Variants in UBE2J1 observed in about 807,000 individuals in gnomAD.
The protein encoded by UBE2J1 is ubiquitin conjugating enzyme E2 J1.
A neutral mutation model predicts 42.1 loss-of-function variants in UBE2J1; 17 were observed. The observed-to-expected ratio is 0.40, with a 90% CI of 0.28 to 0.61. The LOEUF is 0.61. UBE2J1 is among the 20% of genes least tolerant of loss of function. The probability of loss-of-function intolerance (pLI) is 0.38; values close to 1 mark genes in which losing one functional copy is unlikely to be tolerated. For synonymous variants in UBE2J1, 127 were observed against 137.2 expected (o/e 0.93, Z 0.52); for missense variants, 291 against 389.4 (o/e 0.75, Z 2.13).
chr6:89,332,250 A>T (rs1768023481), intron 7 of UBE2J1, among the ~76,000 whole-genome samples: 1 of 152,224 alleles, frequency 6.6e-6, no homozygotes, highest in South Asian at 2.1e-4. Flanking sequence ...ATCTGTTACC[A>T]AAAAGACTTC....
chr6:89,340,625 T>C (rs954051061), intron 3 of UBE2J1, among the ~76,000 whole-genome samples: 3 of 152,190 alleles, frequency 2.0e-5, no homozygotes, highest in Admixed American at 6.5e-5. Context: ...TTTAAAGACA[T>C]TGTGTAACCC....
intron 6 of UBE2J1, among the ~76,000 whole-genome samples, chr6:89,334,535 G>A (rs1242487220): frequency 6.8e-6 from 1 of 147,638 alleles, no homozygotes; most frequent in Admixed American, 6.8e-5. Flanking sequence ...GCAATGGCGC[G>A]ATCTCGGCTC....
Position 89,345,904 on chromosome 6 carries a change from TC to T in UBE2J1, c.32-2149del, listed in dbSNP as rs1768354597. Among the ~76,000 whole-genome samples the T allele has an allele frequency of 6.8e-5, 7 of 103,318 alleles. No individual in the cohort carries two copies. In the South Asian group the frequency reaches 3.4e-3, roughly 49 times the overall value. 67.8% of individuals were successfully genotyped at this position (103,318 alleles called of 152,430 possible). ...CCTGGGCAACAAGAGCGAAACTACG[TC>T]TAAAAAAAAAAAAAAAAGCCCTCCA... On this transcript the variant is annotated intron_variant, in intron 1 of 7. Coordinates refer to ENST00000435041, the MANE Select transcript of UBE2J1 (RefSeq NM_016021.3).
intron 3 of UBE2J1, among the ~76,000 whole-genome samples, chr6:89,340,775 T>G (rs1189290258): frequency 3.3e-4 from 47 of 143,324 alleles, no homozygotes; most frequent in South Asian, 1.5e-3. Flanking sequence ...TTTATTTATG[T>G]TTTTTTTTTT....
intron 3 of UBE2J1, 120 bp from the exon 4 acceptor site, chr6:89,338,663 T>A (rs1216956091): frequency 3.9e-6 from 1 of 258,742 alleles, no homozygotes; most frequent in Non-Finnish European, 6.3e-6. Context: ...GTTTGTTTTT[T>A]TTTTTTTTTT....
chr6:89,347,783 T>G (rs1768390659), intron 1 of UBE2J1, among the ~76,000 whole-genome samples: 1 of 152,234 alleles, frequency 6.6e-6, no homozygotes, highest in African/African-American at 2.4e-5. Context: ...TCTGACATTT[T>G]GTAGCTCTAA....
At chr6:89,335,466 A>T (rs752058255) in intron 5 of UBE2J1, 35 bp from the exon 6 acceptor site, 3 of 1,498,638 alleles carry the variant, frequency 2.0e-6, no homozygotes, top group Admixed American at 2.0e-5. Context: ...GAAAATAAAT[A>T]GTTAAATGTT....
rs10502 is a variant in UBE2J1 at position 89,329,951 on chromosome 6, G to A, written c.685C>T (p.Leu229Phe). The A allele has an allele frequency of 2.5e-6, 4 of 1,613,608 alleles. No homozygotes were observed. Among genetic ancestry groups the A allele is most frequent in the Non-Finnish European group, 3.4e-6 (4 of 1,179,748 alleles). ...AAGGATGCTGCTGAGGAATTCTGGA[G>A]TCCGTACTAGGAAATTTTAAGAAAC... Reference protein sequence around the residue: ...QGATASTSYGLQNSSAASFHQ... With the variant: ...QGATASTSYGFQNSSAASFHQ... The change falls in exon 8 of 8, where the codon CTC becomes TTC. Residue 229 changes from leucine to phenylalanine, a missense_variant. Physicochemically the swap from Leu to Phe is conservative, Grantham distance 22. Coordinates refer to ENST00000435041, the MANE Select transcript of UBE2J1 (RefSeq NM_016021.3).
intron 1 of UBE2J1, among the ~76,000 whole-genome samples, chr6:89,348,316 T>G (rs1768400720): frequency 6.6e-6 from 1 of 152,236 alleles, no homozygotes; most frequent in African/African-American, 2.4e-5. Context: ...GCTGTGGGCC[T>G]AGGCATTAGC....
At chr6:89,351,069 CTTTTTTTTT>C (rs1193022037) in intron 1 of UBE2J1, among the ~76,000 whole-genome samples, 4 of 60,462 alleles carry the variant, frequency 6.6e-5, no homozygotes, top group Admixed American at 2.4e-4. Context: ...CCGGGATTCT[CTTTTTTTTT>C]TTTTTTTTTT....
chr6:89,327,864 C>T lies in UBE2J1; in HGVS notation c.*1815G>A, dbSNP rs1405643566. 6.6e-6 allele frequency: 1 copy of T among 152,148 alleles called. No individual in the cohort carries two copies. Among genetic ancestry groups the T allele is most frequent in the African/African-American group, 2.4e-5 (1 of 41,438 alleles). The allele number at this position is 152,148 out of a possible 1,614,324, so 9.4% of individuals were successfully genotyped here. ...CTTTCTTCTCATATGACGCTACCGTCGGTGACTTCTTACTAGGAGACCACT... is the reference window on the plus strand; with the variant it reads ...CTTTCTTCTCATATGACGCTACCGTTGGTGACTTCTTACTAGGAGACCACT... On this transcript the variant is annotated 3_prime_UTR_variant, in exon 8 of 8. Transcript: ENST00000435041.
intron 7 of UBE2J1, among the ~76,000 whole-genome samples, chr6:89,330,179 T>C (rs1767983214): frequency 6.6e-6 from 1 of 152,198 alleles, no homozygotes; most frequent in Non-Finnish European, 1.5e-5. Flanking sequence ...AATAGTTTTA[T>C]TAATATATTT....
chr6:89,348,583 G>T (rs753041373), intron 1 of UBE2J1, among the ~76,000 whole-genome samples: 9 of 152,158 alleles, frequency 5.9e-5, no homozygotes, highest in Non-Finnish European at 1.2e-4. Context: ...TGATGTTTCT[G>T]CCCAGGAGGA....
At chr6:89,341,643 G>C (rs1768248097) in intron 3 of UBE2J1, among the ~76,000 whole-genome samples, 1 of 152,006 alleles carries the variant, frequency 6.6e-6, no homozygotes, top group South Asian at 2.1e-4. Context: ...AGGATAGCTT[G>C]AGCCCAGGAG....
At chr6:89,340,189 T>C (rs1016222225) in intron 3 of UBE2J1, among the ~76,000 whole-genome samples, 7 of 152,146 alleles carry the variant, frequency 4.6e-5, no homozygotes, top group Admixed American at 1.3e-4. Context: ...TAAATACTTA[T>C]TGAATGAAAG....
intron 6 of UBE2J1, among the ~76,000 whole-genome samples, 189 bp from the exon 7 acceptor site, chr6:89,333,394 C>T (rs1768046444): frequency 6.6e-6 from 1 of 152,204 alleles, no homozygotes; most frequent in African/African-American, 2.4e-5. Context: ...AAGAAGCATA[C>T]ACAACACCTG....
At chr6:89,334,254 C>T (rs1768066574) in intron 6 of UBE2J1, among the ~76,000 whole-genome samples, 1 of 152,086 alleles carries the variant, frequency 6.6e-6, no homozygotes, top group African/African-American at 2.4e-5. Flanking sequence ...CTGCCTGTCT[C>T]GGCCTCCCAA....
chr6:89,342,442 T>C lies in UBE2J1; in HGVS notation c.119A>G (p.Glu40Gly). Residue 40 changes from glutamate (E) to glycine (G), a missense_variant, in exon 3 of 8, where the codon GAA becomes GGA. By Grantham distance (98) the Glu-to-Gly change is moderately conservative. Transcript: ENST00000435041. ...GGGCCCTCTAACCGTGAAGTGCCATTCAAAAAGGTTATCCTGAACAAAAAC... is the reference window on the plus strand; with the variant it reads ...GGGCCCTCTAACCGTGAAGTGCCATCCAAAAAGGTTATCCTGAACAAAAAC... ...HAQPLEDNLF[E>G]WHFTVRGPPD... 6.2e-7 allele frequency: 1 copy of C among 1,607,236 alleles called. No individual in the cohort carries two copies. The highest frequency in any genetic ancestry group is 1.1e-5 in the South Asian group (1 of 89,498).
At position 89,329,640 on chromosome 6, in the gene UBE2J1, G is replaced by A. The variant is rs770674809; in HGVS notation, c.*39C>T. 6.2e-7 allele frequency: 1 copy of A among 1,603,572 alleles called. No homozygotes were observed. The highest frequency in any genetic ancestry group is 8.5e-7 in the Non-Finnish European group (1 of 1,172,274). On this transcript the variant is annotated 3_prime_UTR_variant, in exon 8 of 8. Transcript: ENST00000435041. ...TTATACCCAATGCAGAATGTTTAAT[G>A]AAGCAGTTGAGTCACAGCTCATAAG...
Sources: allele counts gnomAD v4.1 joint callset (sites outside exome capture counted in the v4.1 genomes callset), GRCh38; gene constraint gnomAD v4.1.1; transcripts MANE v1.5; gene names NCBI Gene and HGNC (gene_info 2026-07-23, HGNC 2026-07-21).